Variants in SORCS3 observed in about 807,000 individuals in gnomAD.
The protein encoded by SORCS3 is VPS10 domain-containing receptor SorCS3.
A neutral mutation model predicts 146.3 loss-of-function variants in SORCS3; 57 were observed. That is an observed-to-expected ratio of 0.39 (90% CI 0.31 to 0.49). SORCS3 has a LOEUF of 0.49. Ranked by LOEUF, SORCS3 falls within the 20% of genes least tolerant of loss-of-function variation. The pLI is 0.92. For synonymous variants in SORCS3, 653 were observed against 618.5 expected (o/e 1.06, Z -0.83); for missense variants, 1,341 against 1,575.5 (o/e 0.85, Z 2.52).
intron 20 of SORCS3, among the ~76,000 whole-genome samples, chr10:105,235,321 C>A (rs2056786961): frequency 6.6e-6 from 1 of 151,904 alleles, no homozygotes; most frequent in Non-Finnish European, 1.5e-5. Flanking sequence ...CCTGATATAA[C>A]CATATGGGCA....
chr10:104,880,575 T>TG (rs1166106638), intron 2 of SORCS3, among the ~76,000 whole-genome samples: 1 of 152,200 alleles, frequency 6.6e-6, no homozygotes, highest in Non-Finnish European at 1.5e-5. Flanking sequence ...AGAAGCATTT[T>TG]GGGGGCAGGG....
At chr10:104,735,354 C>T (rs2491369) in intron 1 of SORCS3, among the ~76,000 whole-genome samples, 3,368 of 151,698 alleles carry the variant, frequency 0.022, 140 homozygotes, top group African/African-American at 0.077. Context: ...CAAATGCAGC[C>T]GGAGATGCGT....
intron 2 of SORCS3, among the ~76,000 whole-genome samples, chr10:104,905,089 T>C (rs762849089): frequency 1.3e-4 from 20 of 152,228 alleles, no homozygotes; most frequent in Non-Finnish European, 1.5e-4. Flanking sequence ...TTGTTTTTCA[T>C]GCCCTACTAC....
intron 20 of SORCS3, among the ~76,000 whole-genome samples, chr10:105,241,904 AG>A (rs1204772803): frequency 4.6e-5 from 7 of 152,184 alleles, no homozygotes; most frequent in Non-Finnish European, 7.3e-5. Context: ...AGGAAAGGGT[AG>A]GTATATGTAA....
chr10:104,745,879 G>C (rs2016903011), intron 1 of SORCS3, among the ~76,000 whole-genome samples: 1 of 152,086 alleles, frequency 6.6e-6, no homozygotes, highest in Non-Finnish European at 1.5e-5. Flanking sequence ...ATGTCCTCCA[G>C]GTTCTTGTAT....
chr10:104,955,831 C>T (rs1400227752), intron 3 of SORCS3, among the ~76,000 whole-genome samples: 1 of 152,088 alleles, frequency 6.6e-6, no homozygotes, highest in African/African-American at 2.4e-5. Context: ...TTGAGCCCTC[C>T]CTGAAAGACA....
At chr10:105,181,376 G>A (rs1248735222) in intron 14 of SORCS3, among the ~76,000 whole-genome samples, 2 of 152,138 alleles carry the variant, frequency 1.3e-5, no homozygotes, top group Non-Finnish European at 1.5e-5. Flanking sequence ...GCATATGTGT[G>A]TAGAGGTGTC....
intron 1 of SORCS3, among the ~76,000 whole-genome samples, chr10:104,643,927 A>T (rs2015460770): frequency 6.6e-6 from 1 of 152,118 alleles, no homozygotes; most frequent in South Asian, 2.1e-4. Context: ...TTTAAGGATT[A>T]TTTTTGAGTA....
intron 1 of SORCS3, among the ~76,000 whole-genome samples, chr10:104,707,447 A>G (rs1175351797): frequency 6.6e-6 from 1 of 152,152 alleles, no homozygotes; most frequent in Admixed American, 6.6e-5. Context: ...TTGAGATCTA[A>G]AGACCCTCAC....
chr10:105,152,291 A>G lies in SORCS3; in HGVS notation c.1482+4495A>G, dbSNP rs979317030. Among the ~76,000 whole-genome samples the G allele has an allele frequency of 5.3e-5, 8 of 152,346 alleles. No homozygotes were observed. The South Asian group carries it at 1.7e-3, about 32-fold the overall frequency. Reference sequence around the variant, plus strand: ...AGGTGAGCTACATACACACTTCCACATTTCTGCTTCCCACATTTTATAAAG... The same window carrying G: ...AGGTGAGCTACATACACACTTCCACGTTTCTGCTTCCCACATTTTATAAAG... On this transcript the variant is annotated intron_variant, in intron 9 of 26. Coordinates refer to ENST00000369701, the MANE Select transcript of SORCS3 (RefSeq NM_014978.3).
rs770077271 is a variant in SORCS3, at chr10:105,245,494, T to C, written c.2869-48T>C. The C allele has an allele frequency of 2.5e-6, 4 of 1,599,996 alleles. No homozygotes were observed. In the South Asian group the frequency reaches 3.4e-5, roughly 13 times the overall value. ...GAGAGTTTCAGGAAAGGAAATAAAG[T>C]TGATATCCCACACAAGACTGAATGA... On this transcript the variant is annotated intron_variant, in intron 20 of 26. Coordinates refer to ENST00000369701, the MANE Select transcript of SORCS3 (RefSeq NM_014978.3).
intron 5 of SORCS3, 148 bp from the exon 6 acceptor site, chr10:105,089,627 G>A (rs1447991807): frequency 6.0e-6 from 4 of 668,014 alleles, no homozygotes; most frequent in African/African-American, 5.3e-5. Context: ...GGGACTGCCA[G>A]TGGCCACATT....
At chr10:104,663,261 C>T (rs1440420118) in intron 1 of SORCS3, among the ~76,000 whole-genome samples, 4 of 152,274 alleles carry the variant, frequency 2.6e-5, no homozygotes, top group Non-Finnish European at 4.4e-5. Context: ...ACACAAACTC[C>T]GTAACAACTG....
chr10:104,994,947 A>G (rs1443541513), intron 4 of SORCS3, among the ~76,000 whole-genome samples: 1 of 152,200 alleles, frequency 6.6e-6, no homozygotes, highest in African/African-American at 2.4e-5. Flanking sequence ...TCTTGGGCAA[A>G]TAGTAGTGGA....
At chr10:104,780,311 G>T (rs183473008) in intron 1 of SORCS3, among the ~76,000 whole-genome samples, 1 of 152,052 alleles carries the variant, frequency 6.6e-6, no homozygotes, top group Non-Finnish European at 1.5e-5. Flanking sequence ...TTCTCTTGTG[G>T]TGTGACTTGT....
intron 4 of SORCS3, among the ~76,000 whole-genome samples, chr10:105,011,087 T>C (rs2055133451): frequency 6.6e-6 from 1 of 152,192 alleles, no homozygotes; most frequent in Non-Finnish European, 1.5e-5. Context: ...TGACTTTGTA[T>C]GAAAAGCCGG....
intron 2 of SORCS3, among the ~76,000 whole-genome samples, chr10:104,894,791 G>A (rs937014984): frequency 6.6e-6 from 1 of 152,114 alleles, no homozygotes; most frequent in African/African-American, 2.4e-5. Flanking sequence ...GAAGGAGGGA[G>A]GAAGTGGGGG....
intron 4 of SORCS3, among the ~76,000 whole-genome samples, chr10:105,007,961 C>T (rs768682156): frequency 9.2e-5 from 14 of 152,170 alleles, no homozygotes; most frequent in Non-Finnish European, 2.1e-4. Flanking sequence ...AAAGAAGGGA[C>T]TTAAGGTTGA....
chr10:104,866,030 G>C (rs1294516853), intron 2 of SORCS3, among the ~76,000 whole-genome samples: 1 of 152,220 alleles, frequency 6.6e-6, no homozygotes, highest in Non-Finnish European at 1.5e-5. Flanking sequence ...AAGAAAAGGA[G>C]AGAAGAAATG....
Sources: allele counts gnomAD v4.1 joint callset (sites outside exome capture counted in the v4.1 genomes callset), GRCh38; gene constraint gnomAD v4.1.1; transcripts MANE v1.5; gene names NCBI Gene and HGNC (gene_info 2026-07-23, HGNC 2026-07-21).